Variants in HSD17B4 observed in about 807,000 individuals in gnomAD.
The protein encoded by HSD17B4 is peroxisomal multifunctional enzyme type 2.
A neutral mutation model predicts 101.0 loss-of-function variants in HSD17B4; 70 were observed. The observed-to-expected ratio is 0.69, with a 90% CI of 0.57 to 0.85. The LOEUF is 0.85. HSD17B4 is among the 40% of genes least tolerant of loss of function. The pLI is 0.00. For synonymous variants in HSD17B4, 347 were observed against 297.1 expected, an observed-to-expected ratio of 1.17 and a Z score of -1.73; for missense variants, 984 against 892.4, an observed-to-expected ratio of 1.10 and a Z score of -1.31.
chr5:119,506,927 T>G lies in HSD17B4; in HGVS notation c.1333+38T>G, dbSNP rs373939353. On this transcript the variant is annotated intron_variant, in intron 15 of 23. Transcript: ENST00000510025. The stretch of plus-strand genomic sequence containing the variant: ...CAATTCTTATAATAATATTGTTAGA[T>G]TGATAGGCTTTGTGTATGACATAAT... The G allele has an allele frequency of 3.3e-5, 34 of 1,040,176 alleles. No homozygotes were observed. The African/African-American group carries it at 4.4e-4, about 13-fold the overall frequency. The allele number at this position is 1,040,176 out of a possible 1,614,324, so 64.4% of individuals were successfully genotyped here. A position where few individuals can be genotyped will look rare whatever the true frequency, so the allele number is the denominator to read the frequency against.
chr5:119,527,966 A>T (rs1753750450), intron 20 of HSD17B4, among the ~76,000 whole-genome samples: 1 of 152,140 alleles, frequency 6.6e-6, no homozygotes, highest in African/African-American at 2.4e-5. Flanking sequence ...CAAGTTATTA[A>T]AAGACAGTTT....
At chr5:119,463,655 CTTT>C (rs57252147) in intron 2 of HSD17B4, among the ~76,000 whole-genome samples, 1,259 of 29,302 alleles carry the variant, frequency 0.043, 15 homozygotes, top group African/African-American at 0.077. Context: ...ATTTATATGT[CTTT>C]TTTTTTTTTT....
intron 11 of HSD17B4, 73 bp downstream of exon 11, chr5:119,494,019 T>C (rs2126759537): frequency 6.8e-7 from 1 of 1,475,166 alleles, no homozygotes; most frequent in South Asian, 1.1e-5. Context: ...TCTTATGTAG[T>C]TGTCTTCTAT....
chr5:119,521,021 G>A (rs781369910), intron 17 of HSD17B4, among the ~76,000 whole-genome samples: 1 of 152,076 alleles, frequency 6.6e-6, no homozygotes, highest in African/African-American at 2.4e-5. Context: ...AGTTGAATAT[G>A]TCAACCCTTT....
chr5:119,509,756 A>G (rs1200575660), intron 16 of HSD17B4, among the ~76,000 whole-genome samples: 2 of 152,196 alleles, frequency 1.3e-5, no homozygotes, highest in Non-Finnish European at 2.9e-5. Context: ...AAACCCTTGG[A>G]TAGACGATGC....
chr5:119,519,182 ACTT>A (rs1297110601), intron 17 of HSD17B4, among the ~76,000 whole-genome samples: 1 of 152,174 alleles, frequency 6.6e-6, no homozygotes, highest in East Asian at 1.9e-4. Flanking sequence ...ATACAAGTGT[ACTT>A]TGTAGTTTTT....
intron 12 of HSD17B4, among the ~76,000 whole-genome samples, chr5:119,497,048 T>A (rs913519641): frequency 1.3e-5 from 2 of 152,228 alleles, no homozygotes; most frequent in African/African-American, 4.8e-5. Context: ...AGCGATTGGG[T>A]ATCAGTTTCC....
intron 23 of HSD17B4, among the ~76,000 whole-genome samples, chr5:119,539,376 G>T (rs1754790911): frequency 7.8e-6 from 1 of 127,470 alleles, no homozygotes; most frequent in Non-Finnish European, 1.6e-5. Flanking sequence ...TGTGGGAATT[G>T]AACAATGAGA....
In HSD17B4 at chr5:119,452,820, AG is replaced by A. The variant is rs1554059560; in HGVS notation, c.58+189del. On this transcript the variant is annotated intron_variant, in intron 1 of 23. Coordinates refer to ENST00000510025, the MANE Select transcript of HSD17B4 (RefSeq NM_000414.4). ...GCCGGAAACACCTGGTCTCTCAAGC[AG>A]GTACAGCCCGCTTCTCCCCAGCACC... 2 of 1,536,606 alleles carry A rather than the reference AG, an allele frequency of 1.3e-6. No individual in the cohort carries two copies. Among genetic ancestry groups the A allele is most frequent in the Non-Finnish European group, 1.7e-6 (2 of 1,147,252 alleles).
intron 17 of HSD17B4, among the ~76,000 whole-genome samples, chr5:119,521,625 T>C (rs1753119319): frequency 6.6e-6 from 1 of 152,036 alleles, no homozygotes; most frequent in African/African-American, 2.4e-5. Flanking sequence ...CCTTATTTAA[T>C]TTTTATTTGA....
chr5:119,469,176 G>A (rs989020192), intron 2 of HSD17B4, among the ~76,000 whole-genome samples: 3 of 150,890 alleles, frequency 2.0e-5, no homozygotes, highest in Non-Finnish European at 4.4e-5. Context: ...TATCTCACTG[G>A]ATTTCCTTAA....
intron 19 of HSD17B4, among the ~76,000 whole-genome samples, 153 bp downstream of exon 19, chr5:119,526,176 T>C (rs1753577484): frequency 6.6e-6 from 1 of 151,986 alleles, no homozygotes; most frequent in African/African-American, 2.4e-5. Flanking sequence ...GCACACTTTC[T>C]TTTTGTAGCT....
chr5:119,497,296 C>G (rs1750736398), intron 12 of HSD17B4, among the ~76,000 whole-genome samples: 2 of 152,168 alleles, frequency 1.3e-5, no homozygotes, highest in South Asian at 4.1e-4. Context: ...TGGAAATTGA[C>G]TCAGGGAGGT....
chr5:119,492,327 A>T, intron 10 of HSD17B4: 1 of 599,750 alleles, frequency 1.7e-6, no homozygotes, highest in South Asian at 2.0e-5. Context: ...TCAAGACCCT[A>T]TCTATTCTTC....
chr5:119,458,340 C>G (rs2126619829), intron 2 of HSD17B4, among the ~76,000 whole-genome samples: 1 of 151,482 alleles, frequency 6.6e-6, no homozygotes, highest in East Asian at 1.9e-4. Flanking sequence ...GCATCACACA[C>G]ACTAATTTTT....
intron 21 of HSD17B4, among the ~76,000 whole-genome samples, chr5:119,530,521 G>C (rs547435129): frequency 6.6e-6 from 1 of 151,048 alleles, no homozygotes; most frequent in Non-Finnish European, 1.5e-5. Flanking sequence ...CCATATAACT[G>C]ACTGAAAATT....
intron 14 of HSD17B4, among the ~76,000 whole-genome samples, chr5:119,504,268 A>G (rs1751454009): frequency 6.6e-6 from 1 of 152,082 alleles, no homozygotes; most frequent in African/African-American, 2.4e-5. Context: ...TTTTGGTGGA[A>G]TGATTTCTTT....
At chr5:119,494,203 G>A (rs947578232) in intron 11 of HSD17B4, among the ~76,000 whole-genome samples, 4 of 152,112 alleles carry the variant, frequency 2.6e-5, no homozygotes, top group African/African-American at 9.7e-5. Context: ...GGCATAAGAT[G>A]TTTACTCATT....
chr5:119,494,311 CCTTTCTTT>C (rs138033527), intron 11 of HSD17B4, among the ~76,000 whole-genome samples: 1 of 148,590 alleles, frequency 6.7e-6, no homozygotes, highest in African/African-American at 2.5e-5. Context: ...TCTCTTTCTT[CCTTTCTTT>C]CTTTCTTTTC....
Sources: gnomAD v4.1 joint callset for allele counts (sites outside exome capture counted in the v4.1 genomes callset) on GRCh38, gnomAD v4.1.1 for gene constraint, MANE v1.5 for transcripts, NCBI Gene and HGNC (gene_info 2026-07-23, HGNC 2026-07-21) for gene names.